MAPK4: variants seen among roughly 807,000 people sequenced by gnomAD.
MAPK4 encodes Erk3-related.
Under a neutral mutation model 47.7 loss-of-function variants are expected in MAPK4, and 22 were observed. The observed-to-expected ratio is 0.46, with a 90% confidence interval of 0.33 to 0.66. The LOEUF (loss-of-function observed/expected upper bound fraction) is 0.66, where lower values mean the gene tolerates loss of function less well. Among genes scored for constraint, MAPK4 ranks in the 30% least tolerant of loss-of-function variants. MAPK4 has a pLI of 0.02. For missense variants in MAPK4, 736 were observed against 831.7 expected, an observed-to-expected ratio of 0.88 and a Z score of 1.42; for synonymous variants, 390 against 365.7, an observed-to-expected ratio of 1.07 and a Z score of -0.76.
chr18:50,579,349 C>G (rs2042323937), intron 1 of MAPK4, among the ~76,000 whole-genome samples: 1 of 152,106 alleles, frequency 6.6e-6, no homozygotes, highest in African/African-American at 2.4e-5. Flanking sequence ...TGGAGTGGCA[C>G]CAGGCAGCAA....
chr18:50,715,791 T>C (rs1910604686), intron 3 of MAPK4, among the ~76,000 whole-genome samples: 1 of 152,230 alleles, frequency 6.6e-6, no homozygotes, highest in Admixed American at 6.5e-5. Context: ...CTATGGTACT[T>C]TGTTATGGCA....
chr18:50,611,631 T>G (rs531946450), intron 1 of MAPK4, among the ~76,000 whole-genome samples: 1 of 152,196 alleles, frequency 6.6e-6, no homozygotes, highest in Non-Finnish European at 1.5e-5. Context: ...AGTGGGAACA[T>G]TGTTCCCTGG....
intron 2 of MAPK4, among the ~76,000 whole-genome samples, chr18:50,710,837 C>T (rs1910324648): frequency 6.6e-6 from 1 of 151,946 alleles, no homozygotes; most frequent in African/African-American, 2.4e-5. Context: ...ATTCATCATA[C>T]CCCTAAGGGA....
intron 1 of MAPK4, among the ~76,000 whole-genome samples, chr18:50,570,596 C>T (rs1289119214): frequency 6.6e-6 from 1 of 152,198 alleles, no homozygotes; most frequent in Non-Finnish European, 1.5e-5. Context: ...CCAGACAATT[C>T]CTTGCAGAGG....
chr18:50,577,420 G>A (rs1008714400), intron 1 of MAPK4, among the ~76,000 whole-genome samples: 1 of 152,158 alleles, frequency 6.6e-6, no homozygotes, highest in African/African-American at 2.4e-5. Flanking sequence ...ATCATCTGGG[G>A]CGTTTTTAAA....
chr18:50,643,567 T>C (rs546249364), intron 1 of MAPK4, among the ~76,000 whole-genome samples: 48 of 152,316 alleles, frequency 3.2e-4, no homozygotes, highest in African/African-American at 1.1e-3. Flanking sequence ...TCTCATCCCA[T>C]ATCTTCTTGT....
chr18:50,714,857 C>T (rs561546035), intron 2 of MAPK4, among the ~76,000 whole-genome samples: 40 of 152,180 alleles, frequency 2.6e-4, no homozygotes, highest in South Asian at 1.0e-3. Flanking sequence ...CCTCGGATCT[C>T]GTAAGATTCT....
intron 1 of MAPK4, among the ~76,000 whole-genome samples, chr18:50,660,077 G>C (rs1345734046): frequency 6.6e-6 from 1 of 152,240 alleles, no homozygotes; most frequent in African/African-American, 2.4e-5. Context: ...TTAGGCGGTG[G>C]ATGCCTTGTA....
intron 2 of MAPK4, among the ~76,000 whole-genome samples, chr18:50,713,310 C>T (rs1406009184): frequency 1.3e-5 from 2 of 152,152 alleles, no homozygotes; most frequent in Non-Finnish European, 2.9e-5. Context: ...TGACATTGGC[C>T]CATCCTTTGT....
At chr18:50,661,908 A>G (rs916282509) in intron 1 of MAPK4, among the ~76,000 whole-genome samples, 5 of 152,248 alleles carry the variant, frequency 3.3e-5, no homozygotes, top group Non-Finnish European at 7.3e-5. Flanking sequence ...ACTAAACAGC[A>G]ACAATAGGTA....
At chr18:50,602,537 G>A (rs538255250) in intron 1 of MAPK4, among the ~76,000 whole-genome samples, 1 of 152,272 alleles carries the variant, frequency 6.6e-6, no homozygotes, top group Admixed American at 6.5e-5. Context: ...GCAGGGATGT[G>A]GGCATAACTG....
chr18:50,574,326 A>G (rs565614015), intron 1 of MAPK4, among the ~76,000 whole-genome samples: 139 of 152,356 alleles, frequency 9.1e-4, no homozygotes, highest in African/African-American at 3.2e-3. Flanking sequence ...ATACATTTCT[A>G]GGAAAACAAA....
At chr18:50,680,049 A>C (rs1908497025) in intron 2 of MAPK4, among the ~76,000 whole-genome samples, 1 of 148,528 alleles carries the variant, frequency 6.7e-6, no homozygotes, top group Non-Finnish European at 1.5e-5. Flanking sequence ...TCCTTTCAGT[A>C]GAACAGTGCT....
In MAPK4 at chr18:50,678,221, T is replaced by G. The variant is rs966247649; in HGVS notation, c.546+13717T>G. On this transcript the variant is annotated intron_variant, in intron 2 of 5. Transcript: ENST00000400384. The surrounding 1 kb of genome is among the most constrained non-coding windows in gnomAD (Gnocchi z 4.2). ...GAGTGGGAACAAGTCAGAAAATTCT[T>G]ACTGTAATGAACTTGTCAAAATGGA... Among the ~76,000 whole-genome samples the G allele has an allele frequency of 1.1e-4, 16 of 152,192 alleles. No homozygotes were observed. Among genetic ancestry groups the G allele is most frequent in the African/African-American group, 3.9e-4 (16 of 41,450 alleles).
intron 1 of MAPK4, among the ~76,000 whole-genome samples, chr18:50,607,544 C>T (rs1444657974): frequency 1.3e-5 from 2 of 152,172 alleles, no homozygotes; most frequent in South Asian, 2.1e-4. Context: ...AGAATCTTGC[C>T]TCCAGAAAAG....
intron 2 of MAPK4, among the ~76,000 whole-genome samples, chr18:50,666,768 A>T (rs112248710): frequency 3.9e-5 from 6 of 152,294 alleles, no homozygotes; most frequent in Non-Finnish European, 8.8e-5. Context: ...TGTTTGGCAG[A>T]TGCCACCCAC....
At chr18:50,597,629 G>A (rs2042494425) in intron 1 of MAPK4, among the ~76,000 whole-genome samples, 1 of 152,162 alleles carries the variant, frequency 6.6e-6, no homozygotes, top group South Asian at 2.1e-4. Flanking sequence ...GCTGTAAGTG[G>A]GACAGAAAGA....
intron 1 of MAPK4, among the ~76,000 whole-genome samples, chr18:50,644,113 A>AT (rs1261039280): frequency 6.6e-6 from 1 of 151,862 alleles, no homozygotes; most frequent in African/African-American, 2.4e-5. Context: ...GTCCAAGAAG[A>AT]TTTGAGATTT....
At chr18:50,662,054 A>G (rs1020385906) in intron 1 of MAPK4, among the ~76,000 whole-genome samples, 1 of 152,168 alleles carries the variant, frequency 6.6e-6, no homozygotes, top group Non-Finnish European at 1.5e-5. Context: ...CAGAGCATTG[A>G]GTTGACTATC....
Sources: allele counts gnomAD v4.1 joint callset (sites outside exome capture counted in the v4.1 genomes callset), GRCh38; gene constraint gnomAD v4.1.1; non-coding constraint Gnocchi (gnomAD v3.1); transcripts MANE v1.5; gene names NCBI Gene and HGNC (gene_info 2026-07-23, HGNC 2026-07-21).